Variants in RTN1 observed in about 807,000 individuals in gnomAD.
RTN1 encodes reticulon-1.
RTN1 carries 25 observed loss-of-function variants against 65.5 expected under a neutral mutation model. The observed-to-expected ratio is 0.38, with a 90% CI of 0.28 to 0.53. The LOEUF is 0.53. Ranked by LOEUF, RTN1 falls within the 20% of genes least tolerant of loss-of-function variation. The pLI, the probability that RTN1 is intolerant of heterozygous loss-of-function variation, is 0.79. For synonymous variants in RTN1, 471 were observed against 447.6 expected (o/e 1.05, Z -0.66); for missense variants, 983 against 1,025.4 (o/e 0.96, Z 0.57).
At chr14:59,822,111 T>C (rs1421359654) in intron 1 of RTN1, among the ~76,000 whole-genome samples, 2 of 152,222 alleles carry the variant, frequency 1.3e-5, no homozygotes, top group Non-Finnish European at 2.9e-5. Flanking sequence ...GTATGTCTGG[T>C]AGAATTTGGC....
At chr14:59,719,990 C>T (rs1884614225) in intron 3 of RTN1, among the ~76,000 whole-genome samples, 1 of 152,172 alleles carries the variant, frequency 6.6e-6, no homozygotes, top group African/African-American at 2.4e-5. Flanking sequence ...TTAAGGTTGA[C>T]TCGATTCCAT....
At chr14:59,713,790 C>T (rs1485623921) in intron 3 of RTN1, among the ~76,000 whole-genome samples, 1 of 152,138 alleles carries the variant, frequency 6.6e-6, no homozygotes, top group Non-Finnish European at 1.5e-5. Flanking sequence ...AGCAATAAAA[C>T]ATCTTGAAGA....
chr14:59,751,431 C>T (rs1885521254), intron 1 of RTN1, among the ~76,000 whole-genome samples: 1 of 151,998 alleles, frequency 6.6e-6, no homozygotes, highest in Admixed American at 6.6e-5. Flanking sequence ...TCATTGGAGG[C>T]AGGGAAATCA....
chr14:59,853,863 CT>C (rs71111670), intron 1 of RTN1, among the ~76,000 whole-genome samples: 25,066 of 126,544 alleles, frequency 0.2, 2,169 homozygotes, highest in East Asian at 0.47. Context: ...TAAACTTTTA[CT>C]TTTTTTTTTT....
At chr14:59,649,234 T>C (rs1882968494) in intron 3 of RTN1, among the ~76,000 whole-genome samples, 1 of 152,178 alleles carries the variant, frequency 6.6e-6, no homozygotes, top group Admixed American at 6.6e-5. Context: ...GACACCTTCC[T>C]TACACCTTAT....
At chr14:59,721,438 G>A (rs1438186276) in intron 3 of RTN1, among the ~76,000 whole-genome samples, 1 of 152,218 alleles carries the variant, frequency 6.6e-6, no homozygotes, top group African/African-American at 2.4e-5. Context: ...TTCTTAGAAG[G>A]TCTGGGCTGC....
chr14:59,741,258 G>A (rs1407461095), intron 2 of RTN1, among the ~76,000 whole-genome samples: 2 of 152,122 alleles, frequency 1.3e-5, no homozygotes, highest in East Asian at 3.9e-4. Context: ...CCCTCAGCCT[G>A]GCCTCACTTC....
In RTN1 at chr14:59,614,184, A is replaced by T. The variant is rs377516312; in HGVS notation, c.1766-6692T>A. Among the ~76,000 whole-genome samples the T allele has an allele frequency of 3.9e-5, 6 of 152,286 alleles. No homozygotes were observed. In the East Asian group the frequency reaches 7.7e-4, roughly 20 times the overall value. On this transcript the variant is annotated intron_variant, in intron 3 of 8. Coordinates refer to ENST00000267484, the MANE Select transcript of RTN1 (RefSeq NM_021136.3). ...AAATGCAGGGTAGAAGCATTGCACT[A>T]TCTTCTCCTGAGTATTTTCCTCCTT... is the stretch of plus-strand genomic sequence containing the variant.
chr14:59,870,612 GA>G lies in RTN1; in HGVS notation c.18del (p.Pro7ArgfsTer27). The G allele has an allele frequency of 7.0e-7, 1 of 1,428,202 alleles. No homozygotes were observed. Among genetic ancestry groups the G allele is most frequent in the Non-Finnish European group, 9.1e-7 (1 of 1,095,366 alleles). 88.5% of individuals were successfully genotyped at this position (1,428,202 alleles called of 1,614,324 possible). On this transcript the variant is annotated frameshift_variant, in exon 1 of 9. Transcript: ENST00000267484. LOFTEE classifies it high-confidence loss of function. This position sits in a 1 kb window ranked among gnomAD's most constrained non-coding sequence, Gnocchi z 5.1. Reference protein sequence around the residue: MAAPGDPQDELLPLAG... With the variant: MAAPGXPQDELLPLAG... Reference sequence around the variant, plus strand: ...GCCAGCGGCAGCAGCTCGTCCTGCGGATCCCCCGGCGCGGCCATGGCTGGCG... The same window carrying G: ...GCCAGCGGCAGCAGCTCGTCCTGCGGTCCCCCGGCGCGGCCATGGCTGGCG...
chr14:59,859,979 A>G (rs1887679321), intron 1 of RTN1, among the ~76,000 whole-genome samples: 1 of 152,252 alleles, frequency 6.6e-6, no homozygotes, highest in East Asian at 1.9e-4. Flanking sequence ...AGAGCATAAA[A>G]GTTCGGAAAA....
intron 3 of RTN1, among the ~76,000 whole-genome samples, chr14:59,716,242 A>C (rs1884532137): frequency 6.6e-6 from 1 of 152,262 alleles, no homozygotes; most frequent in South Asian, 2.1e-4. Context: ...ATTTAGTTGG[A>C]AAAAGACACT....
intron 5 of RTN1, chr14:59,604,162 C>T (rs573626986): frequency 2.4e-4 from 64 of 263,510 alleles, no homozygotes; most frequent in Middle Eastern, 1.3e-3. Context: ...TAATAATCTA[C>T]GAAGCTGTGG....
intron 1 of RTN1, among the ~76,000 whole-genome samples, chr14:59,775,360 T>C (rs1030099587): frequency 1.3e-5 from 2 of 152,186 alleles, no homozygotes; most frequent in African/African-American, 4.8e-5. Flanking sequence ...TCTATTCTTT[T>C]TGAGGAATTA....
At chr14:59,784,749 C>A (rs1886222231) in intron 1 of RTN1, among the ~76,000 whole-genome samples, 1 of 152,110 alleles carries the variant, frequency 6.6e-6, no homozygotes, top group South Asian at 2.1e-4. Flanking sequence ...TTGCCATGTG[C>A]AAATTCATAT....
intron 8 of RTN1, among the ~76,000 whole-genome samples, chr14:59,599,410 T>A (rs1284597190): frequency 6.6e-6 from 1 of 152,226 alleles, no homozygotes; most frequent in Non-Finnish European, 1.5e-5. Context: ...GACAAAGATA[T>A]TTGATTTGTC....
chr14:59,636,302 C>G (rs1285603128), intron 3 of RTN1, among the ~76,000 whole-genome samples: 1 of 152,092 alleles, frequency 6.6e-6, no homozygotes, highest in Non-Finnish European at 1.5e-5. Context: ...TGGGTTTTCA[C>G]TCAGTTCATA....
chr14:59,718,364 G>A lies in RTN1; in HGVS notation c.1765+8555C>T, dbSNP rs879261087. ...GAGTATCTACTTTAAAGCTGCCTTCGCTCTAACTTTAGCCTCTGACTTTTC... is the reference window on the plus strand; with the variant it reads ...GAGTATCTACTTTAAAGCTGCCTTCACTCTAACTTTAGCCTCTGACTTTTC... On this transcript the variant is annotated intron_variant, in intron 3 of 8. Transcript: ENST00000267484. Among the ~76,000 whole-genome samples the A allele has an allele frequency of 1.9e-4, 29 of 152,268 alleles. No homozygotes were observed. The East Asian group carries it at 2.5e-3, about 13-fold the overall frequency.
At chr14:59,844,427 C>G (rs1887369930) in intron 1 of RTN1, among the ~76,000 whole-genome samples, 1 of 152,176 alleles carries the variant, frequency 6.6e-6, no homozygotes, top group African/African-American at 2.4e-5. Flanking sequence ...TAAAAGGTTA[C>G]TCTGACAATA....
chr14:59,610,779 T>G (rs1283388024), intron 3 of RTN1, among the ~76,000 whole-genome samples: 2 of 152,236 alleles, frequency 1.3e-5, no homozygotes, highest in Admixed American at 6.5e-5. Context: ...TTAGGAGTCA[T>G]GCAGCTGGAG....
Sources: allele counts gnomAD v4.1 joint callset (sites outside exome capture counted in the v4.1 genomes callset), GRCh38; gene constraint gnomAD v4.1.1; non-coding constraint Gnocchi (gnomAD v3.1); transcripts MANE v1.5; gene names NCBI Gene and HGNC (gene_info 2026-07-23, HGNC 2026-07-21).